TBCE: variants seen among roughly 807,000 people sequenced by gnomAD.
TBCE encodes tubulin-specific chaperone E.
Under a neutral mutation model 77.0 loss-of-function variants are expected in TBCE, and 53 were observed. The ratio of observed to expected loss-of-function variants is 0.69; its 90% CI spans 0.55 to 0.87. TBCE has a LOEUF of 0.87. Among genes scored for constraint, TBCE ranks in the 40% least tolerant of loss-of-function variants. TBCE has a pLI of 0.00. For missense variants in TBCE, 624 were observed against 622.4 expected, an observed-to-expected ratio of 1.00 and a Z score of -0.03; for synonymous variants, 235 against 241.3, an observed-to-expected ratio of 0.97 and a Z score of 0.24.
chr1:235,386,550 C>G (rs1678017421), intron 2 of TBCE, among the ~76,000 whole-genome samples: 1 of 152,146 alleles, frequency 6.6e-6, no homozygotes, highest in East Asian at 1.9e-4. Flanking sequence ...TCATTCATTT[C>G]ATCTTCCATC....
At chr1:235,431,018 A>G (rs1433656896) in intron 7 of TBCE, among the ~76,000 whole-genome samples, 1 of 152,210 alleles carries the variant, frequency 6.6e-6, no homozygotes, top group Non-Finnish European at 1.5e-5. Context: ...TCCATGTCCT[A>G]TCTCAGCTCA....
intron 2 of TBCE, among the ~76,000 whole-genome samples, chr1:235,400,350 C>T (rs1029640791): frequency 8.6e-5 from 13 of 150,480 alleles, no homozygotes; most frequent in African/African-American, 2.0e-4. Context: ...TTTCTTTTTC[C>T]TTGAAGACTA....
At chr1:235,445,021 T>G (rs1439249143) in intron 15 of TBCE, among the ~76,000 whole-genome samples, 1 of 152,250 alleles carries the variant, frequency 6.6e-6, no homozygotes, top group African/African-American at 2.4e-5. Flanking sequence ...GAGATTCAGT[T>G]AGCCATTTTG....
At chr1:235,399,199 C>T (rs990572494) in intron 2 of TBCE, among the ~76,000 whole-genome samples, 9 of 152,164 alleles carry the variant, frequency 5.9e-5, no homozygotes, top group African/African-American at 2.2e-4. Flanking sequence ...AAGCAATCCA[C>T]CCGCCTTCAC....
chr1:235,438,860 A>G lies in TBCE; in HGVS notation c.1208A>G (p.Glu403Gly). The change falls in exon 13 of 17, where the codon GAA becomes GGA. Residue 403 changes from glutamate to glycine, a missense_variant. Coordinates refer to ENST00000642610, the MANE Select transcript of TBCE (RefSeq NM_003193.5). ...WKQAGGHKDPEKNRLSEEFLT... is the reference protein window; with the variant it reads ...WKQAGGHKDPGKNRLSEEFLT... ...CAGGCTGGTGGACATAAGGATCCGG[A>G]AAAAAACAGACTCAGCGAAGAATTC... 1 of 1,614,122 alleles carries G rather than the reference A, an allele frequency of 6.2e-7. No individual in the cohort carries two copies. The highest frequency in any genetic ancestry group is 1.7e-5 in the Admixed American group (1 of 60,004).
chr1:235,379,676 C>T (rs1572323593), intron 1 of TBCE, among the ~76,000 whole-genome samples: 3 of 152,000 alleles, frequency 2.0e-5, no homozygotes, highest in Non-Finnish European at 4.4e-5. Flanking sequence ...AGGCCAGGCG[C>T]GGTGGCTCAC....
rs1229721537 is a variant in TBCE, at chr1:235,452,141, T to C, written c.*3379T>C. The C allele has an allele frequency of 6.6e-6, 1 of 152,226 alleles. No homozygotes were observed. Among genetic ancestry groups the C allele is most frequent in the Non-Finnish European group, 1.5e-5 (1 of 68,124 alleles). The allele number at this position is 152,226 out of a possible 1,614,324, so 9.4% of individuals were successfully genotyped here. A position where few individuals can be genotyped will look rare whatever the true frequency, so the allele number is the denominator to read the frequency against. ...CATTCTCCTGCCTCAGCCTTCTGAGTAGCTGGGACCACAGGCGCCCGCCAC... is the reference window on the plus strand; with the variant it reads ...CATTCTCCTGCCTCAGCCTTCTGAGCAGCTGGGACCACAGGCGCCCGCCAC... On this transcript the variant is annotated 3_prime_UTR_variant, in exon 17 of 17. Transcript: ENST00000642610.
intron 2 of TBCE, among the ~76,000 whole-genome samples, chr1:235,397,533 G>T (rs1221795156): frequency 1.3e-5 from 2 of 152,074 alleles, no homozygotes; most frequent in Non-Finnish European, 2.9e-5. Flanking sequence ...TGTTTCTTTC[G>T]CTATGCAGAA....
intron 1 of TBCE, 70 bp from the exon 2 acceptor site, chr1:235,379,949 A>T: frequency 1.3e-6 from 1 of 797,090 alleles, no homozygotes; most frequent in Non-Finnish European, 1.8e-6. Context: ...CTGTGCCTCA[A>T]AAAAAAAAAA....
chr1:235,437,905 A>G (rs145036642), intron 12 of TBCE, among the ~76,000 whole-genome samples: 34 of 152,220 alleles, frequency 2.2e-4, no homozygotes, highest in Admixed American at 7.2e-4. Flanking sequence ...AATGGTAAAG[A>G]TTAGCCTTGT....
At chr1:235,371,874 A>G (rs773173149) in intron 1 of TBCE, among the ~76,000 whole-genome samples, 25 of 152,042 alleles carry the variant, frequency 1.6e-4, no homozygotes, top group Non-Finnish European at 2.5e-4. Flanking sequence ...GGGTTTCACC[A>G]TGTTGGCCGG....
chr1:235,405,835 AT>A (rs958766296), intron 3 of TBCE, among the ~76,000 whole-genome samples: 8 of 152,156 alleles, frequency 5.3e-5, no homozygotes, highest in African/African-American at 1.7e-4. Flanking sequence ...AAACACGAGT[AT>A]TATGTTGTAC....
chr1:235,396,515 G>C (rs1260380123), intron 2 of TBCE, among the ~76,000 whole-genome samples: 1 of 152,160 alleles, frequency 6.6e-6, no homozygotes, highest in Non-Finnish European at 1.5e-5. Flanking sequence ...CTAGCAGTGG[G>C]ATTGCTGGAA....
chr1:235,393,971 G>T (rs1331915599), intron 2 of TBCE, among the ~76,000 whole-genome samples: 1 of 152,030 alleles, frequency 6.6e-6, no homozygotes, highest in Non-Finnish European at 1.5e-5. Context: ...TAATTAAGTA[G>T]GTAATTAAGT....
Position 235,444,601 on chromosome 1 carries a change from C to T in TBCE, c.1399+1690C>T, listed in dbSNP as rs952520190. Among the ~76,000 whole-genome samples the T allele has an allele frequency of 2.6e-5, 4 of 152,104 alleles. No individual in the cohort carries two copies. In the East Asian group the frequency reaches 5.8e-4, roughly 22 times the overall value. On this transcript the variant is annotated intron_variant, in intron 15 of 16. Transcript: ENST00000642610. ...TTGATTTTTAGTAGAGATGAAGCCTCGCTATGTTGCTAAGGCTGGCCTCAA... is the reference window on the plus strand; with the variant it reads ...TTGATTTTTAGTAGAGATGAAGCCTTGCTATGTTGCTAAGGCTGGCCTCAA...
In TBCE at chr1:235,449,669, A is replaced by G. The variant is rs1265955547; in HGVS notation, c.*907A>G. On this transcript the variant is annotated 3_prime_UTR_variant, in exon 17 of 17. Transcript: ENST00000642610. ...TTCAAGTTGCCCACTTCAGAGATCC[A>G]CAAAATCTGACATTATTTCCAGAAA... The G allele has an allele frequency of 6.6e-6, 1 of 152,596 alleles. No homozygotes were observed. The highest frequency in any genetic ancestry group is 1.9e-4 in the East Asian group (1 of 5,204). The allele number at this position is 152,596 out of a possible 1,614,324, so 9.5% of individuals were successfully genotyped here.
At chr1:235,405,151 C>T (rs1358843966) in intron 3 of TBCE, among the ~76,000 whole-genome samples, 1 of 150,772 alleles carries the variant, frequency 6.6e-6, no homozygotes, top group Non-Finnish European at 1.5e-5. Context: ...TTAGTGGAGA[C>T]GGGGTTTCGC....
intron 1 of TBCE, among the ~76,000 whole-genome samples, chr1:235,370,976 A>G (rs1214170627): frequency 7.5e-6 from 1 of 133,052 alleles, no homozygotes; most frequent in African/African-American, 2.8e-5. Flanking sequence ...TCCTGACCTC[A>G]TGATCCGCCC....
rs144616206 is a variant in TBCE at position 235,372,347 on chromosome 1, C to T, written c.-32+4843C>T. 8.7e-4 allele frequency among the ~76,000 whole-genome samples: 133 copies of T among 152,250 alleles called. 1 individual carries two copies. The highest frequency in any genetic ancestry group is 2.8e-3 in the African/African-American group (117 of 41,542). On this transcript the variant is annotated intron_variant, in intron 1 of 16. Transcript: ENST00000642610. ...TGTTGGGATTACAGGCGTGAGCCAC[C>T]GCTCCTGGCTGGCTTTGTAGAACCT...
Sources: allele counts gnomAD v4.1 joint callset (sites outside exome capture counted in the v4.1 genomes callset), GRCh38; gene constraint gnomAD v4.1.1; transcripts MANE v1.5; gene names NCBI Gene and HGNC (gene_info 2026-07-23, HGNC 2026-07-21).